TRPC6: variants seen among roughly 807,000 people sequenced by gnomAD.
TRPC6 encodes the protein short transient receptor potential channel 6.
In TRPC6, 55 loss-of-function variants were observed where a neutral mutation model predicts 90.7. The ratio of observed to expected loss-of-function variants is 0.61; its 90% confidence interval spans 0.49 to 0.76. The LOEUF is 0.76. Ranked by LOEUF, TRPC6 falls within the 30% of genes least tolerant of loss-of-function variation. The pLI, the probability that TRPC6 is intolerant of heterozygous loss-of-function variation, is 0.00. For missense variants in TRPC6, 989 were observed against 1,122.7 expected (o/e 0.88, Z 1.70); for synonymous variants, 393 against 393.0 (o/e 1.00, Z 0.00).
rs553262481 is a variant in TRPC6, at chr11:101,499,652, T to C, written c.945+4372A>G. The stretch of plus-strand genomic sequence containing the variant: ...AATATAAAATGTGTATATATATATA[T>C]ACACAATATAAAATGTGTATATATA... On this transcript the variant is annotated intron_variant, in intron 2 of 12. Transcript: ENST00000344327. Among the ~76,000 whole-genome samples the C allele has an allele frequency of 4.5e-3, 574 of 126,276 alleles. 9 individuals are homozygous for C. Among genetic ancestry groups the C allele is most frequent in the Admixed American group, 4.9e-3 (60 of 12,236 alleles). The allele number at this position is 126,276 out of a possible 152,430, so 82.8% of individuals were successfully genotyped here.
intron 1 of TRPC6, among the ~76,000 whole-genome samples, chr11:101,537,385 A>T (rs1171406083): frequency 6.6e-6 from 1 of 151,616 alleles, no homozygotes; most frequent in Non-Finnish European, 1.5e-5. Context: ...GAATGGGTTT[A>T]TTTTTTTTCT....
In TRPC6 at chr11:101,538,249, T is replaced by A. The variant is rs553631514; in HGVS notation, c.171-33451A>T. Among the ~76,000 whole-genome samples, 215 of 152,318 alleles carry A rather than the reference T, an allele frequency of 1.4e-3. 1 individual carries two copies. Among genetic ancestry groups the A allele is most frequent in the African/African-American group, 4.9e-3 (205 of 41,582 alleles). ...TCTGGTGAATATTGCTCTTACATCA[T>A]CTTTTTTTAAGTATTTTAGCTTATT... On this transcript the variant is annotated intron_variant, in intron 1 of 12. Transcript: ENST00000344327.
intron 1 of TRPC6, among the ~76,000 whole-genome samples, chr11:101,517,105 A>C (rs1475059893): frequency 6.6e-6 from 1 of 152,190 alleles, no homozygotes; most frequent in Non-Finnish European, 1.5e-5. Flanking sequence ...GTCTATATCC[A>C]TTTGCAGCTG....
intron 1 of TRPC6, among the ~76,000 whole-genome samples, chr11:101,506,586 A>C (rs1221746396): frequency 6.6e-6 from 1 of 152,190 alleles, no homozygotes; most frequent in Non-Finnish European, 1.5e-5. Flanking sequence ...TCCTATTCAA[A>C]ATCAACCAAA....
chr11:101,472,399 TA>T (rs1591067374), intron 7 of TRPC6, 67 bp from the exon 8 acceptor site: 1 of 1,469,740 alleles, frequency 6.8e-7, no homozygotes, highest in East Asian at 2.5e-5. Flanking sequence ...ATTACCATAA[TA>T]AAAGTGAGTT....
chr11:101,469,438 C>CAAGTGATAATTTTGAAAGGTCT lies in TRPC6; in HGVS notation c.2451_2472dup (p.Asp825ArgfsTer8). The CAAGTGATAATTTTGAAAGGTCT allele has an allele frequency of 1.3e-6, 1 of 772,306 alleles. No homozygotes were observed. Among genetic ancestry groups the CAAGTGATAATTTTGAAAGGTCT allele is most frequent in the South Asian group, 1.4e-5 (1 of 73,620 alleles). 47.8% of individuals were successfully genotyped at this position (772,306 alleles called of 1,614,324 possible). On this transcript the variant is annotated frameshift_variant, in exon 10 of 13. Coordinates refer to ENST00000344327, the MANE Select transcript of TRPC6 (RefSeq NM_004621.6). LOFTEE classifies it high-confidence loss of function. ...AAATATGAGCTTACCTGTTTTTTGT[C>CAAGTGATAATTTTGAAAGGTCT]AAGTGATAATTTTGAAAGGTCTTCA...
intron 1 of TRPC6, among the ~76,000 whole-genome samples, chr11:101,578,885 C>T (rs569788965): frequency 2.0e-5 from 3 of 152,026 alleles, no homozygotes; most frequent in African/African-American, 7.2e-5. Context: ...TTTTAAAACT[C>T]TCTCATTCAA....
chr11:101,548,249 TCA>T (rs200099132), intron 1 of TRPC6, among the ~76,000 whole-genome samples: 33,866 of 119,824 alleles, frequency 0.28, 4,537 homozygotes, highest in East Asian at 0.41. Context: ...AAGAACTAGA[TCA>T]TATATATATA....
chr11:101,554,562 C>T (rs1861520421), intron 1 of TRPC6, among the ~76,000 whole-genome samples: 1 of 152,070 alleles, frequency 6.6e-6, no homozygotes, highest in Admixed American at 6.6e-5. Context: ...AGACACTGAC[C>T]TCTACAGTAT....
At chr11:101,572,520 A>C (rs2136889743) in intron 1 of TRPC6, among the ~76,000 whole-genome samples, 1 of 152,366 alleles carries the variant, frequency 6.6e-6, no homozygotes, top group East Asian at 1.9e-4. Flanking sequence ...ATATACCCAA[A>C]GGATTATAAA....
intron 1 of TRPC6, among the ~76,000 whole-genome samples, chr11:101,570,060 C>G (rs375834075): frequency 1.1e-4 from 17 of 152,012 alleles, no homozygotes; most frequent in African/African-American, 4.1e-4. Flanking sequence ...AAAAACCCTT[C>G]AAAAAAATTC....
At chr11:101,524,935 T>G (rs544304613) in intron 1 of TRPC6, among the ~76,000 whole-genome samples, 1 of 152,358 alleles carries the variant, frequency 6.6e-6, no homozygotes, top group South Asian at 2.1e-4. Flanking sequence ...TTCCAACTAT[T>G]TCTCCATTTC....
intron 1 of TRPC6, among the ~76,000 whole-genome samples, chr11:101,505,613 C>T (rs960006839): frequency 3.9e-5 from 6 of 152,112 alleles, no homozygotes; most frequent in Non-Finnish European, 8.8e-5. Flanking sequence ...TCACTGCAGA[C>T]TGGAGAAAAT....
chr11:101,558,460 TACAC>T (rs71056630), intron 1 of TRPC6, among the ~76,000 whole-genome samples: 28,269 of 50,364 alleles, frequency 0.56, 10,992 homozygotes, highest in Non-Finnish European at 0.65. Flanking sequence ...CACGCACACA[TACAC>T]ACACACACAC....
intron 1 of TRPC6, among the ~76,000 whole-genome samples, chr11:101,572,069 C>G (rs1486991749): frequency 1.3e-5 from 2 of 152,134 alleles, no homozygotes; most frequent in East Asian, 1.9e-4. Context: ...AAACTATCAT[C>G]AGATTGAATA....
chr11:101,504,916 T>A, intron 1 of TRPC6, 118 bp from the exon 2 acceptor site: 1 of 1,136,402 alleles, frequency 8.8e-7, no homozygotes, highest in Non-Finnish European at 1.2e-6. Context: ...TCATCATCTC[T>A]AGACCTACTA....
At position 101,583,620 on chromosome 11, in the gene TRPC6, G is replaced by C. The variant is rs188637002; in HGVS notation, c.-117C>G. On this transcript the variant is annotated 5_prime_UTR_variant, in exon 1 of 13. Transcript: ENST00000344327. Reference sequence around the variant, plus strand: ...GGCCGAACTGGACCTGGGCAGACCGGTGCCCAGGGGACGACGGTGAAGCAG... The same window carrying C: ...GGCCGAACTGGACCTGGGCAGACCGCTGCCCAGGGGACGACGGTGAAGCAG... 1 of 1,157,238 alleles carries C rather than the reference G, an allele frequency of 8.6e-7. No homozygotes were observed. The highest frequency in any genetic ancestry group is 1.1e-6 in the Non-Finnish European group (1 of 876,980). The allele number at this position is 1,157,238 out of a possible 1,614,324, so 71.7% of individuals were successfully genotyped here. A position where few individuals can be genotyped will look rare whatever the true frequency, so the allele number is the denominator to read the frequency against.
rs117826944 is a variant in TRPC6, at chr11:101,547,428, G to T, written c.170+35906C>A. 1.2e-3 allele frequency among the ~76,000 whole-genome samples: 181 copies of T among 152,212 alleles called. 2 individuals are homozygous for T. The East Asian group carries it at 0.025, about 21-fold the overall frequency. On this transcript the variant is annotated intron_variant, in intron 1 of 12. Transcript: ENST00000344327. ...AAGCACAAATAGGATGGATAGCATGGAACAAATGCTCTGCTGCCAAGAACA... is the reference window on the plus strand; with the variant it reads ...AAGCACAAATAGGATGGATAGCATGTAACAAATGCTCTGCTGCCAAGAACA...
intron 1 of TRPC6, among the ~76,000 whole-genome samples, chr11:101,505,636 G>T (rs758109710): frequency 3.9e-5 from 6 of 152,020 alleles, no homozygotes; most frequent in Admixed American, 2.0e-4. Flanking sequence ...TAATCAAGTT[G>T]TCAGGTAGGA....
Sources: allele counts gnomAD v4.1 joint callset (sites outside exome capture counted in the v4.1 genomes callset), GRCh38; gene constraint gnomAD v4.1.1; transcripts MANE v1.5; gene names NCBI Gene and HGNC (gene_info 2026-07-23, HGNC 2026-07-21).